Variants in ADARB2 observed in about 807,000 individuals in gnomAD.
ADARB2 encodes the protein adenosine deaminase RNA specific B2 (inactive).
ADARB2 carries 25 observed loss-of-function variants against 62.2 expected under a neutral mutation model. That is an observed-to-expected ratio of 0.40 (90% confidence interval 0.29 to 0.56). The LOEUF (loss-of-function observed/expected upper bound fraction) is 0.56. Ranked by LOEUF, ADARB2 falls within the 20% of genes least tolerant of loss-of-function variation. The pLI is 0.43. For missense variants in ADARB2, 1,071 were observed against 1,077.4 expected, an observed-to-expected ratio of 0.99 and a Z score of 0.08; for synonymous variants, 572 against 500.8, an observed-to-expected ratio of 1.14 and a Z score of -1.90.
At chr10:1,591,681 A>ACACACG (rs1320631665) in intron 1 of ADARB2, among the ~76,000 whole-genome samples, 3 of 150,202 alleles carry the variant, frequency 2.0e-5, no homozygotes, top group African/African-American at 7.4e-5. Context: ...ACACACACGC[A>ACACACG]CACACTCACC....
chr10:1,590,857 C>T lies in ADARB2; in HGVS notation c.100+146194G>A, dbSNP rs552173450. Among the ~76,000 whole-genome samples, 12 of 152,184 alleles carry T rather than the reference C, an allele frequency of 7.9e-5. No homozygotes were observed. The East Asian group carries it at 2.1e-3, about 27-fold the overall frequency. On this transcript the variant is annotated intron_variant, in intron 1 of 9. Coordinates refer to ENST00000381312, the MANE Select transcript of ADARB2 (RefSeq NM_018702.4). Reference sequence around the variant, plus strand: ...ACGGGAAACGCAGTCAGTAACCGTGCGTCGTCTGCTGCAGGAGCTGTGATG... The same window carrying T: ...ACGGGAAACGCAGTCAGTAACCGTGTGTCGTCTGCTGCAGGAGCTGTGATG...
intron 3 of ADARB2, among the ~76,000 whole-genome samples, chr10:1,348,095 G>A (rs975517499): frequency 4.6e-5 from 7 of 152,092 alleles, no homozygotes; most frequent in Admixed American, 3.9e-4. Flanking sequence ...TGTGAATCCC[G>A]GGCCCCTGCA....
At chr10:1,242,338 G>A in intron 4 of ADARB2, 39 bp from the exon 5 acceptor site, 1 of 1,507,366 alleles carries the variant, frequency 6.6e-7, no homozygotes, top group Non-Finnish European at 8.9e-7. Flanking sequence ...GTGGCCCACG[G>A]CCCCCGTCTC....
At chr10:1,185,108 C>T in intron 8 of ADARB2, 69 bp from the exon 9 acceptor site, 2 of 1,533,242 alleles carry the variant, frequency 1.3e-6, no homozygotes, top group Non-Finnish European at 1.8e-6. Flanking sequence ...CCAAGGGCAG[C>T]TGCGGGGAAA....
At chr10:1,211,174 TATC>T (rs1837145837) in intron 7 of ADARB2, among the ~76,000 whole-genome samples, 1 of 151,700 alleles carries the variant, frequency 6.6e-6, no homozygotes, top group Non-Finnish European at 1.5e-5. Flanking sequence ...ATCTATGATC[TATC>T]ATCTAATTTT....
At chr10:1,353,590 C>G (rs771163830) in intron 3 of ADARB2, among the ~76,000 whole-genome samples, 5 of 152,172 alleles carry the variant, frequency 3.3e-5, no homozygotes, top group Non-Finnish European at 7.3e-5. Flanking sequence ...CTCATTATAT[C>G]AACTCTACTC....
At chr10:1,269,559 T>C (rs1308857864) in intron 4 of ADARB2, among the ~76,000 whole-genome samples, 1 of 152,220 alleles carries the variant, frequency 6.6e-6, no homozygotes. Flanking sequence ...GTTATCCCCA[T>C]TTTAAAGGTG....
chr10:1,502,578 C>T (rs1831779165), intron 1 of ADARB2, among the ~76,000 whole-genome samples: 1 of 152,226 alleles, frequency 6.6e-6, no homozygotes, highest in East Asian at 1.9e-4. Context: ...AGTTAAGCTG[C>T]AATAAAGGAA....
intron 3 of ADARB2, among the ~76,000 whole-genome samples, chr10:1,271,300 T>C (rs915205925): frequency 1.3e-5 from 2 of 152,194 alleles, no homozygotes; most frequent in Non-Finnish European, 2.9e-5. Flanking sequence ...AACCCCAGCA[T>C]TGCTCTCAGC....
At chr10:1,565,051 C>A (rs1281175157) in intron 1 of ADARB2, among the ~76,000 whole-genome samples, 1 of 152,208 alleles carries the variant, frequency 6.6e-6, no homozygotes, top group African/African-American at 2.4e-5. Flanking sequence ...CCGTGCAGGG[C>A]TCTCCGCTCT....
At chr10:1,327,018 ACGGCACAGCGC>A (rs1831862536) in intron 3 of ADARB2, among the ~76,000 whole-genome samples, 1 of 44,616 alleles carries the variant, frequency 2.2e-5, no homozygotes, top group African/African-American at 8.6e-5. Flanking sequence ...GCGCCTCCCC[ACGGCACAGCGC>A]CTCCCCACTG....
At chr10:1,674,171 T>C (rs1834430900) in intron 1 of ADARB2, among the ~76,000 whole-genome samples, 1 of 152,238 alleles carries the variant, frequency 6.6e-6, no homozygotes, top group South Asian at 2.1e-4. Context: ...CATTCCGTAA[T>C]GTGTGCACCT....
intron 4 of ADARB2, among the ~76,000 whole-genome samples, chr10:1,246,921 G>C (rs1437363750): frequency 2.6e-5 from 4 of 151,878 alleles, no homozygotes; most frequent in Non-Finnish European, 5.9e-5. Context: ...AATTACCTTG[G>C]GCAGTATGGC....
intron 6 of ADARB2, among the ~76,000 whole-genome samples, chr10:1,223,735 T>G (rs1342305358): frequency 6.6e-6 from 1 of 152,184 alleles, no homozygotes; most frequent in Non-Finnish European, 1.5e-5. Context: ...TTATTGATTT[T>G]CGTATGTTGA....
At chr10:1,350,355 T>C (rs545627966) in intron 3 of ADARB2, among the ~76,000 whole-genome samples, 2 of 152,130 alleles carry the variant, frequency 1.3e-5, no homozygotes, top group African/African-American at 4.8e-5. Context: ...CTTCCTTTTC[T>C]ACAGACCCAT....
chr10:1,353,442 T>G (rs1176679509), intron 3 of ADARB2, among the ~76,000 whole-genome samples: 1 of 152,164 alleles, frequency 6.6e-6, no homozygotes, highest in Non-Finnish European at 1.5e-5. Context: ...TCCCTACACT[T>G]CTGAACTTCC....
chr10:1,293,228 G>GGGGGCGAGGGACAGAGGGAGGGAA (rs1554752375), intron 3 of ADARB2, among the ~76,000 whole-genome samples: 1 of 108,450 alleles, frequency 9.2e-6, no homozygotes, highest in African/African-American at 3.8e-5. Context: ...GAGAGGGACG[G>GGGGGCGAGGGACAGAGGGAGGGAA]GGAGGGAGAG....
At chr10:1,543,660 C>T (rs1273167810) in intron 1 of ADARB2, among the ~76,000 whole-genome samples, 1 of 152,174 alleles carries the variant, frequency 6.6e-6, no homozygotes, top group Non-Finnish European at 1.5e-5. Context: ...CAACTTCATT[C>T]TTCAACGGAT....
In ADARB2 at chr10:1,232,229, G is replaced by C. The variant is rs1176391119; in HGVS notation, c.1513+1465C>G. 1.3e-5 allele frequency among the ~76,000 whole-genome samples: 2 copies of C among 152,076 alleles called. 1 individual carries two copies. Among genetic ancestry groups the C allele is most frequent in the Middle Eastern group, 6.3e-3 (2 of 316 alleles). On this transcript the variant is annotated intron_variant, in intron 6 of 9. Transcript: ENST00000381312. The stretch of plus-strand genomic sequence containing the variant: ...CACCACATACACCACTGCATTGCCT[G>C]CATTGAAAGATCTGCCTGGAGCTGC...
Sources: gnomAD v4.1 joint callset for allele counts (sites outside exome capture counted in the v4.1 genomes callset) on GRCh38, gnomAD v4.1.1 for gene constraint, MANE v1.5 for transcripts, NCBI Gene and HGNC (gene_info 2026-07-23, HGNC 2026-07-21) for gene names.